GRB14: variants seen among roughly 807,000 people sequenced by gnomAD.
The protein encoded by GRB14 is growth factor receptor-bound protein 14.
Under a neutral mutation model 69.1 loss-of-function variants are expected in GRB14, and 38 were observed. The observed-to-expected ratio is 0.55, with a 90% CI of 0.42 to 0.72. The LOEUF is 0.72. GRB14 is among the 30% of genes least tolerant of loss of function. The pLI is 0.00. For synonymous variants in GRB14, 247 were observed against 241.3 expected (o/e 1.02, Z -0.22); for missense variants, 666 against 666.1 (o/e 1.00, Z 0.00).
At chr2:164,599,868 A>T (rs1689874229) in intron 2 of GRB14, among the ~76,000 whole-genome samples, 1 of 152,226 alleles carries the variant, frequency 6.6e-6, no homozygotes, top group Non-Finnish European at 1.5e-5. Context: ...TTATGACTAA[A>T]AAAGAAAAGA....
intron 8 of GRB14, among the ~76,000 whole-genome samples, chr2:164,505,452 T>A (rs1326322908): frequency 2.0e-5 from 3 of 152,174 alleles, no homozygotes; most frequent in Non-Finnish European, 4.4e-5. Flanking sequence ...TTTGGTGGGA[T>A]CAAGAAATCA....
rs1257080656 is a variant in GRB14 at position 164,603,662 on chromosome 2, C to CAAAAAAA, written c.324+16018_324+16024dup. ...TGGGTGACAGAGTGAGACACCACCT[C>CAAAAAAA]AAAAAAAAAATATATATATATTAAC... is the stretch of plus-strand genomic sequence containing the variant. On this transcript the variant is annotated intron_variant, in intron 2 of 13. Transcript: ENST00000263915. Among the ~76,000 whole-genome samples, 4 of 66,672 alleles carry CAAAAAAA rather than the reference C, an allele frequency of 6.0e-5. No homozygotes were observed. The East Asian group carries it at 9.6e-4, about 16-fold the overall frequency. 43.7% of individuals were successfully genotyped at this position (66,672 alleles called of 152,430 possible). A position where few individuals can be genotyped will look rare whatever the true frequency, so the allele number is the denominator to read the frequency against.
intron 2 of GRB14, among the ~76,000 whole-genome samples, chr2:164,616,850 A>C (rs181029265): frequency 7.9e-5 from 12 of 152,368 alleles, no homozygotes; most frequent in Admixed American, 7.8e-4. Flanking sequence ...ATCTTCTCCT[A>C]TAATATTTCA....
At chr2:164,612,915 T>C (rs895240785) in intron 2 of GRB14, among the ~76,000 whole-genome samples, 3 of 152,086 alleles carry the variant, frequency 2.0e-5, no homozygotes, top group East Asian at 1.9e-4. Context: ...CCTTGACAAA[T>C]AGAAGATCTG....
intron 1 of GRB14, 133 bp from the exon 2 acceptor site, chr2:164,619,952 GA>G: frequency 1.5e-6 from 1 of 682,412 alleles, no homozygotes; most frequent in Non-Finnish European, 2.5e-6. Flanking sequence ...AAAGTATATA[GA>G]AAAGGTCTGT....
At chr2:164,516,360 C>T (rs908074742) in intron 6 of GRB14, among the ~76,000 whole-genome samples, 6 of 151,784 alleles carry the variant, frequency 4.0e-5, no homozygotes, top group Non-Finnish European at 7.4e-5. Context: ...TGGTGGCGTG[C>T]GCCTGTAATC....
intron 2 of GRB14, chr2:164,568,327 A>G (rs17437781): frequency 0.49 from 632,798 of 1,285,920 alleles, 163,027 homozygotes; most frequent in Non-Finnish European, 0.54. Flanking sequence ...TTTTCTGTAG[A>G]ATTATTGGCG....
At chr2:164,544,013 A>T (rs533426224) in intron 3 of GRB14, among the ~76,000 whole-genome samples, 2 of 152,284 alleles carry the variant, frequency 1.3e-5, no homozygotes, top group Admixed American at 6.5e-5. Context: ...TAAACATATA[A>T]TCTGAGTGAA....
chr2:164,564,910 G>A (rs997262539), intron 2 of GRB14, among the ~76,000 whole-genome samples: 3 of 152,148 alleles, frequency 2.0e-5, no homozygotes, highest in African/African-American at 4.8e-5. Flanking sequence ...AGCTACTGAG[G>A]AGGCTGAGGC....
intron 2 of GRB14, among the ~76,000 whole-genome samples, chr2:164,575,445 CG>C (rs1328435674): frequency 6.6e-6 from 1 of 151,760 alleles, no homozygotes; most frequent in Non-Finnish European, 1.5e-5. Flanking sequence ...TATAATAAAA[CG>C]TAAGTAATAT....
chr2:164,494,735 T>C (rs1686847580), intron 12 of GRB14, among the ~76,000 whole-genome samples: 1 of 152,190 alleles, frequency 6.6e-6, no homozygotes, highest in Non-Finnish European at 1.5e-5. Context: ...GTAATTTTAA[T>C]AGGCTAAATA....
In GRB14 at chr2:164,508,818, C is replaced by A; in HGVS notation, c.851G>T (p.Gly284Val). The A allele has an allele frequency of 1.3e-6, 2 of 1,580,318 alleles. No individual in the cohort carries two copies. Among genetic ancestry groups the A allele is most frequent in the Non-Finnish European group, 8.6e-7 (1 of 1,168,726 alleles). ...CAGTGACACATAAATATCACTATTGCCAAATTCGCTGAAAAACTGCAAATG... is the reference window on the plus strand; with the variant it reads ...CAGTGACACATAAATATCACTATTGACAAATTCGCTGAAAAACTGCAAATG... ...PRHLQFFSEF[G>V]NSDIYVSLAG... The change falls in exon 7 of 14, where the codon GGC (glycine) becomes GTC (valine). Residue 284 changes from glycine to valine, a missense_variant. Transcript: ENST00000263915.
intron 2 of GRB14, among the ~76,000 whole-genome samples, chr2:164,556,808 G>C (rs1360963698): frequency 2.6e-5 from 4 of 152,102 alleles, no homozygotes; most frequent in African/African-American, 9.7e-5. Flanking sequence ...TGACATCAGG[G>C]ACCACTGTTT....
At chr2:164,552,889 T>G (rs548910515) in intron 2 of GRB14, among the ~76,000 whole-genome samples, 1 of 152,310 alleles carries the variant, frequency 6.6e-6, no homozygotes, top group South Asian at 2.1e-4. Context: ...CCAAAGATGA[T>G]GTGAAGATGA....
In GRB14 at chr2:164,525,145, T is replaced by G. The variant is rs1391612920; in HGVS notation, c.604-67A>C. The stretch of plus-strand genomic sequence containing the variant: ...AGAAAAGATTCAATTATGACCAATA[T>G]AGTAATCAAAAGCAAAAGTTCTTTA... On this transcript the variant is annotated intron_variant, in intron 4 of 13. Transcript: ENST00000263915. 2.7e-6 allele frequency: 3 copies of G among 1,092,386 alleles called. No individual in the cohort carries two copies. The East Asian group carries it at 7.5e-5, about 27-fold the overall frequency. 67.7% of individuals were successfully genotyped at this position (1,092,386 alleles called of 1,614,324 possible). A position where few individuals can be genotyped will look rare whatever the true frequency, so the allele number is the denominator to read the frequency against.
At chr2:164,573,821 A>G (rs1689178150) in intron 2 of GRB14, 1 of 1,612,930 alleles carries the variant, frequency 6.2e-7, no homozygotes, top group East Asian at 2.2e-5. Context: ...TAAATTGAAC[A>G]TGACTCCAGA....
intron 2 of GRB14, among the ~76,000 whole-genome samples, chr2:164,578,076 T>C (rs1176879101): frequency 6.6e-6 from 1 of 151,840 alleles, no homozygotes; most frequent in Non-Finnish European, 1.5e-5. Flanking sequence ...CTACTAAAAA[T>C]ACAAAAATGA....
chr2:164,557,877 C>T (rs1688719960), intron 2 of GRB14, among the ~76,000 whole-genome samples: 1 of 152,166 alleles, frequency 6.6e-6, no homozygotes, highest in Non-Finnish European at 1.5e-5. Flanking sequence ...CCACAGAGAG[C>T]TTCCAGGAGT....
At chr2:164,548,051 C>A (rs1389891113) in intron 2 of GRB14, among the ~76,000 whole-genome samples, 1 of 152,140 alleles carries the variant, frequency 6.6e-6, no homozygotes, top group Non-Finnish European at 1.5e-5. Flanking sequence ...ATTCCAAATT[C>A]AATACACTAT....
Sources: gnomAD v4.1 joint callset for allele counts (sites outside exome capture counted in the v4.1 genomes callset) on GRCh38, gnomAD v4.1.1 for gene constraint, MANE v1.5 for transcripts, NCBI Gene and HGNC (gene_info 2026-07-23, HGNC 2026-07-21) for gene names.